SHROOM4: variants seen among roughly 807,000 people sequenced by gnomAD.
SHROOM4 encodes the protein shroom family member 4.
A neutral mutation model predicts 80.3 loss-of-function variants in SHROOM4; 17 were observed. The observed-to-expected ratio is 0.21, with a 90% CI of 0.14 to 0.32. SHROOM4 has a LOEUF of 0.32. Among genes scored for constraint, SHROOM4 ranks in the 10% least tolerant of loss-of-function variants. The pLI is 1.00. For synonymous variants in SHROOM4, 400 were observed against 437.5 expected (o/e 0.91, Z 1.07); for missense variants, 993 against 1,140.3 (o/e 0.87, Z 1.86).
Position 50,788,947 on chromosome X carries a change from A to T in SHROOM4, c.117+24955T>A, listed in dbSNP as rs1410409090. Among the ~76,000 whole-genome samples, 4 of 112,273 alleles carry T rather than the reference A, an allele frequency of 3.6e-5. No homozygotes were observed. In the Admixed American group the frequency reaches 3.8e-4, roughly 11 times the overall value. ...GACAATGTGCAATGAAAAAAGGCCA[A>T]TTCACAGGATGATATAAGAATTGTG... is the stretch of plus-strand genomic sequence containing the variant. On this transcript the variant is annotated intron_variant, in intron 1 of 8. Coordinates refer to ENST00000376020, the MANE Select transcript of SHROOM4 (RefSeq NM_020717.5).
chrX:50,600,150 A>C (rs1465769264), intron 7 of SHROOM4, among the ~76,000 whole-genome samples: 2 of 112,217 alleles, frequency 1.8e-5, no homozygotes, highest in Non-Finnish European at 3.8e-5. Flanking sequence ...ATGAAACCAC[A>C]TAAGTAAAAG....
chrX:50,791,983 A>T (rs1374876611), intron 1 of SHROOM4, among the ~76,000 whole-genome samples: 1 of 111,391 alleles, frequency 9.0e-6, no homozygotes, highest in Non-Finnish European at 1.9e-5. Flanking sequence ...ATGGTATGGG[A>T]AAACTGGATA....
intron 2 of SHROOM4, among the ~76,000 whole-genome samples, chrX:50,657,105 T>C (rs949171806): frequency 1.8e-5 from 2 of 111,886 alleles, no homozygotes; most frequent in Non-Finnish European, 3.8e-5. Context: ...AGGGTAACTT[T>C]GTATCCTGCA....
chrX:50,814,177 G>C lies in SHROOM4; in HGVS notation c.-159C>G. 1 of 462,239 alleles carries C rather than the reference G, an allele frequency of 2.2e-6. No homozygotes were observed. Among genetic ancestry groups the C allele is most frequent in the Non-Finnish European group, 3.9e-6 (1 of 258,836 alleles). 38.1% of individuals were successfully genotyped at this position (462,239 alleles called of 1,213,427 possible). On this transcript the variant is annotated 5_prime_UTR_variant, in exon 1 of 9. Coordinates refer to ENST00000376020, the MANE Select transcript of SHROOM4 (RefSeq NM_020717.5). The stretch of plus-strand genomic sequence containing the variant: ...CTGGAGACGCTCAGGCAGCGAGCGA[G>C]CGCAAGGAGGAAATGACACGGAGCT...
At chrX:50,773,634 T>C (rs1935442985) in intron 1 of SHROOM4, among the ~76,000 whole-genome samples, 1 of 112,295 alleles carries the variant, frequency 8.9e-6, no homozygotes, top group Non-Finnish European at 1.9e-5. Flanking sequence ...ATGCTATAAA[T>C]AGCATATGAC....
At chrX:50,707,128 T>A (rs1286987889) in intron 1 of SHROOM4, among the ~76,000 whole-genome samples, 1 of 111,971 alleles carries the variant, frequency 8.9e-6, no homozygotes, top group Non-Finnish European at 1.9e-5. Context: ...AACCAGATTC[T>A]AATTTGATTT....
chrX:50,650,446 G>A (rs1931997081), intron 2 of SHROOM4, among the ~76,000 whole-genome samples: 1 of 111,628 alleles, frequency 9.0e-6, no homozygotes, highest in African/African-American at 3.3e-5. Flanking sequence ...CGCCTCCCAG[G>A]TTCAAGAGAT....
At chrX:50,786,878 C>T (rs1557271112) in intron 1 of SHROOM4, among the ~76,000 whole-genome samples, 1 of 111,261 alleles carries the variant, frequency 9.0e-6, no homozygotes, top group Non-Finnish European at 1.9e-5. Context: ...AAGAACAACA[C>T]ATGAACAAAG....
At chrX:50,807,707 G>A (rs782382609) in intron 1 of SHROOM4, among the ~76,000 whole-genome samples, 4 of 110,897 alleles carry the variant, frequency 3.6e-5, no homozygotes, top group South Asian at 7.6e-4. Flanking sequence ...TCTCCCCTAC[G>A]ATGCATTTAC....
chrX:50,790,168 T>G (rs1557271404), intron 1 of SHROOM4, among the ~76,000 whole-genome samples: 1 of 111,547 alleles, frequency 9.0e-6, no homozygotes, highest in Non-Finnish European at 1.9e-5. Flanking sequence ...ATGAGATGCA[T>G]GACTGTATAT....
chrX:50,766,462 A>G (rs1935279701), intron 1 of SHROOM4, among the ~76,000 whole-genome samples: 1 of 111,671 alleles, frequency 9.0e-6, no homozygotes, highest in Non-Finnish European at 1.9e-5. Context: ...GAGACATAGG[A>G]GGAGTTCAAG....
At chrX:50,748,612 T>C (rs954775199) in intron 1 of SHROOM4, among the ~76,000 whole-genome samples, 4 of 111,752 alleles carry the variant, frequency 3.6e-5, no homozygotes, top group Non-Finnish European at 7.5e-5. Context: ...AGTTCAGATT[T>C]TGTGCTGATT....
chrX:50,587,840 G>A lies in SHROOM4; in HGVS notation c.*8855C>T, dbSNP rs1289400061. Among the ~76,000 whole-genome samples, 1 of 112,283 alleles carries A rather than the reference G, an allele frequency of 8.9e-6. No individual in the cohort carries two copies. Among genetic ancestry groups the A allele is most frequent in the Non-Finnish European group, 1.9e-5 (1 of 53,217 alleles). ...CACAATTCTGAATTTTGATTAAATA[G>A]TGTTTCAAAATCACAGATCTGTTTT... is the stretch of plus-strand genomic sequence containing the variant. On this transcript the variant is annotated 3_prime_UTR_variant, in exon 9 of 9. Transcript: ENST00000376020.
At chrX:50,724,801 T>A (rs1446459056) in intron 1 of SHROOM4, among the ~76,000 whole-genome samples, 1 of 112,166 alleles carries the variant, frequency 8.9e-6, no homozygotes, top group Non-Finnish European at 1.9e-5. Flanking sequence ...TTCTAGACAG[T>A]GTCTTTTAAA....
intron 1 of SHROOM4, among the ~76,000 whole-genome samples, chrX:50,761,572 T>C (rs192502735): frequency 1.0e-3 from 109 of 107,041 alleles, no homozygotes; most frequent in African/African-American, 3.4e-3. Flanking sequence ...GTATATCTTC[T>C]TTTTTTTTGA....
rs782169659 is a variant in SHROOM4, at chrX:50,598,422, G to A, written c.4056C>T (p.Asn1352=). ...NSALGEEVEA[N]LKAVCKSNEF... ...CATTGGATTTGCAGACGGCTTTTAA[G>A]TTGGCCTCCACCTCCTCCCCAAGGG... Residue 1352 remains asparagine, a synonymous_variant, in exon 8 of 9, where the codon AAC becomes AAT. Transcript: ENST00000376020. The A allele has an allele frequency of 8.3e-7, 1 of 1,209,512 alleles. No individual in the cohort carries two copies. Among genetic ancestry groups the A allele is most frequent in the Non-Finnish European group, 1.1e-6 (1 of 894,409 alleles).
intron 2 of SHROOM4, chrX:50,687,089 C>T (rs1933091701): frequency 9.0e-6 from 1 of 111,604 alleles, no homozygotes; most frequent in Middle Eastern, 4.6e-3. Context: ...TTGTAGACTA[C>T]GATGGTTCTC....
intron 1 of SHROOM4, among the ~76,000 whole-genome samples, chrX:50,733,299 A>G (rs1934411669): frequency 2.7e-5 from 3 of 112,084 alleles, no homozygotes; most frequent in Non-Finnish European, 1.9e-5. Context: ...CCACACTGCC[A>G]TCATTTAAAT....
intron 1 of SHROOM4, among the ~76,000 whole-genome samples, chrX:50,813,326 C>T (rs893104537): frequency 3.6e-5 from 4 of 111,935 alleles, no homozygotes; most frequent in Non-Finnish European, 5.7e-5. Context: ...GCCGAACCGG[C>T]GGCAACAACG....
Sources: allele counts gnomAD v4.1 joint callset (sites outside exome capture counted in the v4.1 genomes callset), GRCh38; gene constraint gnomAD v4.1.1; transcripts MANE v1.5; gene names NCBI Gene and HGNC (gene_info 2026-07-23, HGNC 2026-07-21).